Variants in TCAIM observed in about 807,000 individuals in gnomAD.
The protein encoded by TCAIM is T cell activation inhibitor, mitochondrial, also known as T-cell activation inhibitor, mitochondrial.
Under a neutral mutation model 58.6 loss-of-function variants are expected in TCAIM, and 36 were observed. The ratio of observed to expected loss-of-function variants is 0.61; its 90% CI spans 0.47 to 0.81. The LOEUF (loss-of-function observed/expected upper bound fraction) is 0.81, where lower values mean the gene tolerates loss of function less well. TCAIM is among the 30% of genes least tolerant of loss of function. TCAIM has a pLI of 0.00. For synonymous variants in TCAIM, 172 were observed against 193.6 expected (o/e 0.89, Z 0.93); for missense variants, 466 against 579.6 (o/e 0.80, Z 2.01).
chr3:44,374,099 T>C (rs1477089787), intron 5 of TCAIM, among the ~76,000 whole-genome samples: 1 of 152,202 alleles, frequency 6.6e-6, no homozygotes, highest in Non-Finnish European at 1.5e-5. Context: ...TGAAATACCA[T>C]GTTGGACACC....
chr3:44,389,767 A>C (rs1701802787), intron 5 of TCAIM, among the ~76,000 whole-genome samples: 1 of 151,384 alleles, frequency 6.6e-6, no homozygotes, highest in South Asian at 2.1e-4. Flanking sequence ...AACATCGAAC[A>C]CTTTCACCTA....
intron 5 of TCAIM, among the ~76,000 whole-genome samples, chr3:44,372,074 G>GAAGGAAGGAAGA: frequency 8.7e-6 from 1 of 115,520 alleles, no homozygotes; most frequent in African/African-American, 3.1e-5. Flanking sequence ...AGGAAGGAAG[G>GAAGGAAGGAAGA]AAGATACAGT....
chr3:44,350,010 C>T (rs147691427), intron 1 of TCAIM, among the ~76,000 whole-genome samples: 143 of 151,832 alleles, frequency 9.4e-4, no homozygotes, highest in African/African-American at 3.4e-3. Context: ...TCCCCCGATC[C>T]GAGTCATAGC....
rs1427998296 is a variant in TCAIM, at chr3:44,396,383, G to T, written c.696-17G>T. The T allele has an allele frequency of 6.2e-7, 1 of 1,608,068 alleles. No individual in the cohort carries two copies. The highest frequency in any genetic ancestry group is 8.5e-7 in the Non-Finnish European group (1 of 1,177,930). On this transcript the variant is annotated splice_polypyrimidine_tract_variant and intron_variant, in intron 6 of 10. Coordinates refer to ENST00000342649, the MANE Select transcript of TCAIM (RefSeq NM_173826.4). ...GGGTGCCACTTGTTAACATGAGTGT[G>T]TGCTCTGTTGGCCTAGGTGGCAGAG...
intron 5 of TCAIM, among the ~76,000 whole-genome samples, chr3:44,374,209 G>A (rs1424512622): frequency 6.6e-6 from 1 of 151,372 alleles, no homozygotes; most frequent in Non-Finnish European, 1.5e-5. Context: ...TATAGGCTAA[G>A]TCACTGTTTT....
At chr3:44,351,974 T>C (rs1308424653) in intron 1 of TCAIM, among the ~76,000 whole-genome samples, 3 of 151,446 alleles carry the variant, frequency 2.0e-5, no homozygotes, top group African/African-American at 7.2e-5. Context: ...ATAACAGTTA[T>C]GCTTCATTAG....
chr3:44,394,678 G>A (rs921041956), intron 6 of TCAIM, among the ~76,000 whole-genome samples: 4 of 150,864 alleles, frequency 2.7e-5, no homozygotes, highest in African/African-American at 7.3e-5. Flanking sequence ...GGCAGATCAC[G>A]AGGTCAGGAG....
intron 6 of TCAIM, 70 bp from the exon 7 acceptor site, chr3:44,396,330 G>C (rs1701933612): frequency 7.4e-7 from 1 of 1,351,152 alleles, no homozygotes; most frequent in African/African-American, 1.5e-5. Flanking sequence ...GACTCCAGTA[G>C]TTGTGGTGGG....
chr3:44,397,362 T>C (rs1701951457), intron 8 of TCAIM, among the ~76,000 whole-genome samples: 1 of 152,246 alleles, frequency 6.6e-6, no homozygotes, highest in African/African-American at 2.4e-5. Flanking sequence ...AGATTAGTTT[T>C]GGAGTTTTTC....
chr3:44,373,116 T>G (rs1454942743), intron 5 of TCAIM, among the ~76,000 whole-genome samples: 1 of 149,592 alleles, frequency 6.7e-6, no homozygotes. Context: ...ATCAGTTGAG[T>G]TTTTTTATTT....
chr3:44,369,264 G>T (rs879865792), intron 5 of TCAIM, among the ~76,000 whole-genome samples: 1 of 152,126 alleles, frequency 6.6e-6, no homozygotes, highest in East Asian at 1.9e-4. Context: ...GAATATTGTT[G>T]TACTTATCTT....
At chr3:44,341,936 A>G (rs1164400853) in intron 1 of TCAIM, among the ~76,000 whole-genome samples, 3 of 152,186 alleles carry the variant, frequency 2.0e-5, no homozygotes, top group African/African-American at 7.2e-5. Flanking sequence ...CTTTTAGAAA[A>G]GTCTTATTGA....
At chr3:44,378,819 T>G (rs535128580) in intron 5 of TCAIM, among the ~76,000 whole-genome samples, 1 of 149,510 alleles carries the variant, frequency 6.7e-6, no homozygotes, top group South Asian at 2.1e-4. Flanking sequence ...AAATGCAAAT[T>G]AATACCACAG....
chr3:44,346,939 G>A (rs1700982551), intron 1 of TCAIM, among the ~76,000 whole-genome samples: 1 of 152,144 alleles, frequency 6.6e-6, no homozygotes, highest in Non-Finnish European at 1.5e-5. Context: ...GAATGGAAAG[G>A]GGAGCAGGGA....
chr3:44,386,688 C>T (rs927515365), intron 5 of TCAIM, among the ~76,000 whole-genome samples: 6 of 152,230 alleles, frequency 3.9e-5, no homozygotes, highest in Admixed American at 2.0e-4. Flanking sequence ...GCCAGTGTGG[C>T]GCTGACACAC....
At chr3:44,364,223 G>C (rs1701335457) in intron 4 of TCAIM, among the ~76,000 whole-genome samples, 1 of 150,584 alleles carries the variant, frequency 6.6e-6, no homozygotes, top group Non-Finnish European at 1.5e-5. Context: ...CACCGCACCT[G>C]GCTGAGACTG....
intron 9 of TCAIM, chr3:44,400,998 G>A: frequency 1.5e-6 from 1 of 653,224 alleles, no homozygotes; most frequent in Non-Finnish European, 2.5e-6. Context: ...AGATAAGGAA[G>A]GTCAGAGGGC....
chr3:44,344,175 C>T (rs558578929), intron 1 of TCAIM, among the ~76,000 whole-genome samples: 1 of 152,130 alleles, frequency 6.6e-6, no homozygotes, highest in African/African-American at 2.4e-5. Flanking sequence ...CCACACTCAG[C>T]TAATTTTTGT....
At chr3:44,407,140 C>T (rs1004971682) in intron 10 of TCAIM, among the ~76,000 whole-genome samples, 1 of 152,180 alleles carries the variant, frequency 6.6e-6, no homozygotes, top group East Asian at 1.9e-4. Flanking sequence ...CAGTCACTAA[C>T]AGCTGCTAGG....
Sources: gnomAD v4.1 joint callset for allele counts (sites outside exome capture counted in the v4.1 genomes callset) on GRCh38, gnomAD v4.1.1 for gene constraint, MANE v1.5 for transcripts, NCBI Gene and HGNC (gene_info 2026-07-23, HGNC 2026-07-21) for gene names.